FSTL4: variants seen among roughly 807,000 people sequenced by gnomAD.
The protein encoded by FSTL4 is follistatin like 4, also known as follistatin-related protein 4.
Under a neutral mutation model 78.2 loss-of-function variants are expected in FSTL4, and 28 were observed. That is an observed-to-expected ratio of 0.36 (90% CI 0.27 to 0.49). The LOEUF (loss-of-function observed/expected upper bound fraction) is 0.49. Ranked by LOEUF, FSTL4 falls within the 20% of genes least tolerant of loss-of-function variation. The probability of loss-of-function intolerance (pLI) is 0.98; values close to 1 mark genes in which losing one functional copy is unlikely to be tolerated. For missense variants in FSTL4, 922 were observed against 1,084.9 expected (o/e 0.85, Z 2.11); for synonymous variants, 422 against 440.5 (o/e 0.96, Z 0.53).
At chr5:133,644,285 A>G in the FSTL4 span, among the ~76,000 whole-genome samples, 3 of 152,110 alleles carry the variant, frequency 2.0e-5, no homozygotes, top group South Asian at 6.2e-4. Flanking sequence ...CCAACTTCTG[A>G]GTAAAAAACT....
rs556176080 is a variant in FSTL4, at chr5:133,376,718, G to A, written c.409+24020C>T. Among the ~76,000 whole-genome samples the A allele has an allele frequency of 2.9e-4, 44 of 152,024 alleles. No homozygotes were observed. The South Asian group carries it at 3.3e-3, about 11-fold the overall frequency. ...AACCTGACCAACATGGTGAAACTCC[G>A]TCTCTACTAAAAATACAAAAATTAG... On this transcript the variant is annotated intron_variant, in intron 4 of 15. Transcript: ENST00000265342.
At chr5:133,777,222 T>C in the FSTL4 span, among the ~76,000 whole-genome samples, 1 of 34,366 alleles carries the variant, frequency 2.9e-5, no homozygotes, top group Non-Finnish European at 6.0e-5. Context: ...GATATGTATA[T>C]ATATATACAA....
At chr5:133,692,325 T>C in the FSTL4 span, among the ~76,000 whole-genome samples, 1 of 151,966 alleles carries the variant, frequency 6.6e-6, no homozygotes. Context: ...TTGGAGGAGG[T>C]TGGAGCCTTA....
At chr5:133,789,002 C>G in the FSTL4 span, among the ~76,000 whole-genome samples, 1 of 152,330 alleles carries the variant, frequency 6.6e-6, no homozygotes, top group African/African-American at 2.4e-5. Context: ...CTCTGCTCCT[C>G]CTTCAAAATG....
At chr5:133,756,417 G>A in the FSTL4 span, among the ~76,000 whole-genome samples, 10 of 151,940 alleles carry the variant, frequency 6.6e-5, no homozygotes, top group Admixed American at 6.5e-4. Context: ...AGCAGAAGAG[G>A]GACCTGATTT....
intron 3 of FSTL4, among the ~76,000 whole-genome samples, chr5:133,484,035 T>C (rs1304005447): frequency 2.6e-5 from 4 of 152,252 alleles, no homozygotes; most frequent in African/African-American, 9.6e-5. Flanking sequence ...TCCAGCCACC[T>C]GGCTGCCTTT....
At chr5:133,567,286 C>G in intron 2 of FSTL4, 67 bp from the exon 3 acceptor site, 1 of 1,121,440 alleles carries the variant, frequency 8.9e-7, no homozygotes, top group Non-Finnish European at 1.4e-6. Context: ...TTGCAAATAT[C>G]TCCTCTCTTG....
At chr5:133,562,534 C>T (rs1312286177) in intron 3 of FSTL4, among the ~76,000 whole-genome samples, 6 of 152,162 alleles carry the variant, frequency 3.9e-5, no homozygotes, top group African/African-American at 1.4e-4. Flanking sequence ...GCTGAGTGTG[C>T]ACGTGATGGT....
At chr5:133,753,255 C>G in the FSTL4 span, among the ~76,000 whole-genome samples, 3 of 152,188 alleles carry the variant, frequency 2.0e-5, no homozygotes, top group Non-Finnish European at 2.9e-5. Context: ...GAAATGAGAT[C>G]TGGAGGGTTC....
the FSTL4 span, among the ~76,000 whole-genome samples, chr5:133,781,819 T>A: frequency 6.6e-6 from 1 of 152,250 alleles, no homozygotes; most frequent in Non-Finnish European, 1.5e-5. Flanking sequence ...ATTCAGTACC[T>A]TCTAATTAGT....
At chr5:133,228,688 A>C (rs1751403757) in intron 8 of FSTL4, among the ~76,000 whole-genome samples, 1 of 152,246 alleles carries the variant, frequency 6.6e-6, no homozygotes, top group Non-Finnish European at 1.5e-5. Flanking sequence ...CTTTGAAAAA[A>C]GTTCAAAATC....
intron 3 of FSTL4, among the ~76,000 whole-genome samples, chr5:133,561,129 TAATAATAATA>T (rs1759904862): frequency 1.4e-5 from 2 of 147,666 alleles, no homozygotes; most frequent in Non-Finnish European, 3.0e-5. Flanking sequence ...ATAATAATAA[TAATAATAATA>T]ATTCTTCATG....
intron 3 of FSTL4, among the ~76,000 whole-genome samples, chr5:133,472,237 C>T (rs1361797809): frequency 1.3e-5 from 2 of 152,210 alleles, no homozygotes; most frequent in East Asian, 3.8e-4. Context: ...TCCAGCCGAT[C>T]TGTCAATCAA....
chr5:133,454,819 C>G (rs542306195), intron 3 of FSTL4, among the ~76,000 whole-genome samples: 9 of 152,322 alleles, frequency 5.9e-5, no homozygotes, highest in African/African-American at 2.2e-4. Context: ...GGTCCCTCAG[C>G]AACCAGACCA....
chr5:133,716,122 T>C, the FSTL4 span, among the ~76,000 whole-genome samples: 2 of 152,210 alleles, frequency 1.3e-5, no homozygotes, highest in African/African-American at 2.4e-5. Context: ...AATCAGGCCA[T>C]GTACCATGGA....
chr5:133,216,810 C>T (rs919769748), intron 13 of FSTL4, among the ~76,000 whole-genome samples: 6 of 152,210 alleles, frequency 3.9e-5, no homozygotes, highest in Admixed American at 1.3e-4. Flanking sequence ...GTGAGTGGGC[C>T]CTTGCTTGGC....
chr5:133,492,962 C>G (rs1016553963), intron 3 of FSTL4, among the ~76,000 whole-genome samples: 2 of 151,886 alleles, frequency 1.3e-5, no homozygotes, highest in African/African-American at 2.4e-5. Flanking sequence ...TTCAACAATT[C>G]TCTCTTCAGC....
chr5:133,714,997 G>A, the FSTL4 span, among the ~76,000 whole-genome samples: 6 of 152,360 alleles, frequency 3.9e-5, no homozygotes, highest in East Asian at 1.2e-3. Flanking sequence ...GATCAGGGCA[G>A]TCTTGGCTTC....
At chr5:133,441,228 TG>T (rs1428587860) in intron 3 of FSTL4, among the ~76,000 whole-genome samples, 1 of 152,148 alleles carries the variant, frequency 6.6e-6, no homozygotes, top group Non-Finnish European at 1.5e-5. Context: ...GATGCCTTCC[TG>T]CACCTGAGGG....
Sources: gnomAD v4.1 joint callset for allele counts (sites outside exome capture counted in the v4.1 genomes callset) on GRCh38, gnomAD v4.1.1 for gene constraint, MANE v1.5 for transcripts, NCBI Gene and HGNC (gene_info 2026-07-23, HGNC 2026-07-21) for gene names.